Variants in INSL6 observed in about 807,000 individuals in gnomAD.
The protein encoded by INSL6 is insulin-like peptide INSL6.
A neutral mutation model predicts 9.4 loss-of-function variants in INSL6; 16 were observed. The ratio of observed to expected loss-of-function variants is 1.70; its 90% confidence interval spans 1.15 to 2.59. The LOEUF (loss-of-function observed/expected upper bound fraction) is 2.59, where lower values mean the gene tolerates loss of function less well. Among genes scored for constraint, INSL6 ranks in the 30% most tolerant of loss-of-function variants. The pLI, the probability that INSL6 is intolerant of heterozygous loss-of-function variation, is 0.00. For synonymous variants in INSL6, 154 were observed against 96.9 expected (o/e 1.59, Z -3.46); for missense variants, 391 against 257.3 (o/e 1.52, Z -3.56).
At chr9:5,132,990 G>A (rs1404884489) in intron 3 of INSL6, 1 of 152,180 alleles carries the variant, frequency 6.6e-6, no homozygotes, top group Non-Finnish European at 1.5e-5. Context: ...CCCAGAGGAA[G>A]GGTATGTTGG....
At chr9:4,997,292 A>G in the INSL6 span, among the ~76,000 whole-genome samples, 3 of 152,230 alleles carry the variant, frequency 2.0e-5, no homozygotes, top group African/African-American at 4.8e-5. Context: ...TTTATAAAGA[A>G]AAGAGATTTA....
At chr9:5,043,312 T>TA in the INSL6 span, among the ~76,000 whole-genome samples, 199 of 143,706 alleles carry the variant, frequency 1.4e-3, 1 homozygote, top group South Asian at 3.7e-3. Flanking sequence ...TTAGGGGCTT[T>TA]AAAAAAAAAA....
At chr9:5,041,296 G>A in the INSL6 span, 1 of 915,670 alleles carries the variant, frequency 1.1e-6, no homozygotes. Flanking sequence ...CTGGTCTCAG[G>A]ACCAAGAAGC....
At chr9:5,095,361 T>TA in the INSL6 span, among the ~76,000 whole-genome samples, 1 of 151,946 alleles carries the variant, frequency 6.6e-6, no homozygotes, top group African/African-American at 2.4e-5. Flanking sequence ...CCATCTTGAT[T>TA]AAAAAAACAA....
intron 2 of INSL6, among the ~76,000 whole-genome samples, chr9:5,154,042 T>C (rs1046111188): frequency 5.3e-5 from 8 of 152,178 alleles, no homozygotes; most frequent in African/African-American, 1.9e-4. Context: ...AGAACAAAGC[T>C]GGAGGCATCA....
At chr9:5,183,582 G>A (rs1204584529) in intron 1 of INSL6, among the ~76,000 whole-genome samples, 1 of 152,084 alleles carries the variant, frequency 6.6e-6, no homozygotes, top group East Asian at 1.9e-4. Flanking sequence ...TTGAGAAAAG[G>A]CATTCCAACC....
chr9:5,182,992 T>C lies in INSL6; in HGVS notation c.289+2322A>G, dbSNP rs145488037. On this transcript the variant is annotated intron_variant, in intron 1 of 1. Transcript: ENST00000381641. ...TATATTTTTCTGTGTCAGACTCAAG[T>C]AGATCATCAGGATATTAAAATTTCA... Among the ~76,000 whole-genome samples, 1,270 of 152,300 alleles carry C rather than the reference T, an allele frequency of 8.3e-3. 19 individuals are homozygous for C. The highest frequency in any genetic ancestry group is 0.029 in the African/African-American group (1,201 of 41,560).
intron 2 of INSL6, among the ~76,000 whole-genome samples, chr9:5,148,655 G>A (rs1824649410): frequency 6.6e-6 from 1 of 152,148 alleles, no homozygotes; most frequent in Admixed American, 6.5e-5. Context: ...CTGAGAGTGT[G>A]GGCTCCTTCC....
the INSL6 span, chr9:5,090,959 A>C: frequency 1.3e-5 from 17 of 1,274,194 alleles, no homozygotes; most frequent in African/African-American, 2.4e-4. Context: ...CACAGACTTC[A>C]AACTTTATTG....
chr9:5,052,296 A>G, the INSL6 span, among the ~76,000 whole-genome samples: 5 of 152,064 alleles, frequency 3.3e-5, no homozygotes, highest in Admixed American at 1.3e-4. Flanking sequence ...TTATCCCTAC[A>G]TTATTTAGTC....
rs41316003 is a variant in INSL6 at position 5,126,343 on chromosome 9, G to A, written c.*11-1832C>T. ...GTGGGTTTGTTTTAGGAATTTATGC[G>A]TATGATTGGCAATGACAAACAAGGA... is the stretch of plus-strand genomic sequence containing the variant. On this transcript the variant is annotated intron_variant, in intron 3 of 3. Transcript: ENST00000649639. 5.4e-3 allele frequency: 8,630 copies of A among 1,600,698 alleles called. 46 individuals carry two copies. The highest frequency in any genetic ancestry group is 6.1e-3 in the Non-Finnish European group (7,177 of 1,172,236).
At chr9:4,995,169 T>C in the INSL6 span, among the ~76,000 whole-genome samples, 1 of 152,226 alleles carries the variant, frequency 6.6e-6, no homozygotes, top group Non-Finnish European at 1.5e-5. Flanking sequence ...CTTTTTATTC[T>C]CCTTTTTTAG....
chr9:5,047,133 C>T, the INSL6 span, among the ~76,000 whole-genome samples: 1 of 151,996 alleles, frequency 6.6e-6, no homozygotes, highest in Admixed American at 6.6e-5. Flanking sequence ...TTTTACTTCT[C>T]TAAATTTGTG....
At chr9:5,032,463 GA>G in the INSL6 span, among the ~76,000 whole-genome samples, 1 of 152,242 alleles carries the variant, frequency 6.6e-6, no homozygotes, top group Non-Finnish European at 1.5e-5. Flanking sequence ...GTGGGTCCCT[GA>G]ACCCCGAGTA....
the INSL6 span, chr9:5,099,052 C>G: frequency 6.6e-6 from 1 of 152,134 alleles, no homozygotes; most frequent in African/African-American, 2.4e-5. Flanking sequence ...AGAACTTCGA[C>G]TCCTTGAAGT....
At chr9:5,103,709 C>CGTAAAA in the INSL6 span, among the ~76,000 whole-genome samples, 1 of 152,136 alleles carries the variant, frequency 6.6e-6, no homozygotes, top group Admixed American at 6.5e-5. Context: ...GATATCACAA[C>CGTAAAA]AAACTGGCTC....
the INSL6 span, among the ~76,000 whole-genome samples, chr9:5,029,386 C>A: frequency 6.6e-6 from 1 of 152,142 alleles, no homozygotes; most frequent in South Asian, 2.1e-4. Context: ...CACAGATCAT[C>A]ATAACTGATA....
chr9:5,122,912 T>C, downstream of INSL6: 2 of 758,406 alleles, frequency 2.6e-6, no homozygotes, highest in Admixed American at 2.9e-5. Flanking sequence ...CTCTACATGT[T>C]TTTTTTTTTA....
intron 2 of INSL6, among the ~76,000 whole-genome samples, chr9:5,140,786 G>T (rs1164486195): frequency 1.3e-5 from 2 of 151,966 alleles, no homozygotes; most frequent in Non-Finnish European, 2.9e-5. Flanking sequence ...CTTGTGCCAT[G>T]GGGGTTTGCT....
Sources: allele counts gnomAD v4.1 joint callset (sites outside exome capture counted in the v4.1 genomes callset), GRCh38; gene constraint gnomAD v4.1.1; transcripts MANE v1.5; gene names NCBI Gene and HGNC (gene_info 2026-07-23, HGNC 2026-07-21).